PLXDC2: variants seen among roughly 807,000 people sequenced by gnomAD.
PLXDC2 encodes the protein plexin domain containing 2, also known as plexin domain-containing protein 2.
Under a neutral mutation model 68.9 loss-of-function variants are expected in PLXDC2, and 40 were observed. The ratio of observed to expected loss-of-function variants is 0.58; its 90% CI spans 0.45 to 0.76. The LOEUF (loss-of-function observed/expected upper bound fraction) is 0.76. Ranked by LOEUF, PLXDC2 falls within the 30% of genes least tolerant of loss-of-function variation. The pLI is 0.00. For missense variants in PLXDC2, 644 were observed against 661.9 expected (o/e 0.97, Z 0.30); for synonymous variants, 243 against 234.2 (o/e 1.04, Z -0.34).
intron 13 of PLXDC2, among the ~76,000 whole-genome samples, chr10:20,273,250 T>A (rs772784878): frequency 6.6e-6 from 1 of 152,198 alleles, no homozygotes; most frequent in Admixed American, 6.5e-5. Context: ...TTTATGGCAA[T>A]ATTTTATTTT....
intron 1 of PLXDC2, among the ~76,000 whole-genome samples, chr10:19,975,568 C>T (rs769876336): frequency 3.6e-4 from 55 of 152,074 alleles, no homozygotes; most frequent in Non-Finnish European, 7.1e-4. Flanking sequence ...CCCAACTTTC[C>T]GATATTAACA....
At chr10:19,969,262 C>A (rs745623406) in intron 1 of PLXDC2, among the ~76,000 whole-genome samples, 2 of 152,116 alleles carry the variant, frequency 1.3e-5, no homozygotes, top group African/African-American at 4.8e-5. Context: ...CATCCATAAC[C>A]GACCCTTAAG....
chr10:20,169,377 G>A (rs1022567593), intron 7 of PLXDC2, among the ~76,000 whole-genome samples: 3 of 152,046 alleles, frequency 2.0e-5, no homozygotes, highest in African/African-American at 4.8e-5. Flanking sequence ...GTTGTCTTTC[G>A]ATTACCAGAA....
chr10:20,065,462 A>G (rs139577792), intron 3 of PLXDC2, among the ~76,000 whole-genome samples: 1 of 152,192 alleles, frequency 6.6e-6, no homozygotes, highest in African/African-American at 2.4e-5. Flanking sequence ...GGCACCAGGA[A>G]CCAGTTTCAT....
At chr10:20,120,288 A>G (rs1833678568) in intron 4 of PLXDC2, among the ~76,000 whole-genome samples, 1 of 152,214 alleles carries the variant, frequency 6.6e-6, no homozygotes, top group South Asian at 2.1e-4. Flanking sequence ...TTCTGAGGAC[A>G]GGTCTGACTT....
At chr10:20,148,265 GTTT>G (rs5783725) in intron 6 of PLXDC2, among the ~76,000 whole-genome samples, 1 of 147,548 alleles carries the variant, frequency 6.8e-6, no homozygotes. Context: ...TCTTTAGTTA[GTTT>G]TTTTTTTTTC....
At chr10:19,848,632 A>T (rs1223950575) in intron 1 of PLXDC2, among the ~76,000 whole-genome samples, 1 of 152,242 alleles carries the variant, frequency 6.6e-6, no homozygotes, top group African/African-American at 2.4e-5. Flanking sequence ...AACTGTTGTC[A>T]TTGTTGTTAA....
At chr10:19,894,430 A>G (rs1444578988) in intron 1 of PLXDC2, among the ~76,000 whole-genome samples, 3 of 152,118 alleles carry the variant, frequency 2.0e-5, no homozygotes, top group Non-Finnish European at 4.4e-5. Flanking sequence ...GAATTTATAT[A>G]TTCCTGAGGG....
chr10:20,235,423 A>C (rs1835420138), intron 12 of PLXDC2, among the ~76,000 whole-genome samples: 1 of 152,240 alleles, frequency 6.6e-6, no homozygotes, highest in East Asian at 1.9e-4. Context: ...ATAGCAAGTA[A>C]TATGAGTGGC....
chr10:20,259,867 C>T (rs1321780753), intron 13 of PLXDC2, among the ~76,000 whole-genome samples: 1 of 152,084 alleles, frequency 6.6e-6, no homozygotes, highest in Non-Finnish European at 1.5e-5. Context: ...GACAGTGGCC[C>T]ACACTAGGAG....
At chr10:20,039,734 G>T (rs1321068659) in intron 2 of PLXDC2, among the ~76,000 whole-genome samples, 1 of 152,086 alleles carries the variant, frequency 6.6e-6, no homozygotes, top group Non-Finnish European at 1.5e-5. Flanking sequence ...TGCATATAAT[G>T]TGTTTATTAT....
At chr10:20,052,747 A>G (rs1294355389) in intron 3 of PLXDC2, among the ~76,000 whole-genome samples, 1 of 151,138 alleles carries the variant, frequency 6.6e-6, no homozygotes, top group African/African-American at 2.4e-5. Context: ...AAAAAGAAAG[A>G]AAGAAAAAAA....
At chr10:19,993,235 C>A (rs1312685465) in intron 1 of PLXDC2, among the ~76,000 whole-genome samples, 1 of 151,932 alleles carries the variant, frequency 6.6e-6, no homozygotes, top group Non-Finnish European at 1.5e-5. Flanking sequence ...TGTAGCAATA[C>A]CTTACAGTTG....
Position 20,287,653 on chromosome 10 carries a change from T to C in PLXDC2, c.*7834T>C, listed in dbSNP as rs1020889591. ...CACTTGCAAAGAAATGTTAAAATCA[T>C]TTTAGGGAAATCAGTGAAGTCTCTT... On this transcript the variant is annotated 3_prime_UTR_variant, in exon 14 of 14. Transcript: ENST00000377252. The C allele has an allele frequency of 6.6e-6, 1 of 152,134 alleles. No homozygotes were observed. 9.4% of individuals were successfully genotyped at this position (152,134 alleles called of 1,614,324 possible).
intron 1 of PLXDC2, among the ~76,000 whole-genome samples, chr10:19,893,399 C>CTG (rs1589523297): frequency 1.3e-5 from 2 of 152,274 alleles, no homozygotes; most frequent in East Asian, 3.9e-4. Context: ...ATAAAGTAGT[C>CTG]TGTGGACTGC....
intron 12 of PLXDC2, among the ~76,000 whole-genome samples, chr10:20,220,221 G>A (rs74119522): frequency 0.23 from 35,328 of 151,964 alleles, 4,150 homozygotes; most frequent in African/African-American, 0.27. Flanking sequence ...ATATATACTA[G>A]CTAGAAATAT....
intron 4 of PLXDC2, among the ~76,000 whole-genome samples, chr10:20,141,811 G>A (rs1453408295): frequency 6.6e-6 from 1 of 152,038 alleles, no homozygotes; most frequent in African/African-American, 2.4e-5. Context: ...CTTGAGCTGT[G>A]TGAAATTACA....
chr10:19,960,213 A>T (rs1382024710), intron 1 of PLXDC2, among the ~76,000 whole-genome samples: 1 of 128,796 alleles, frequency 7.8e-6, no homozygotes, highest in African/African-American at 2.8e-5. Flanking sequence ...AAAAAAAAAA[A>T]AATTAGCCAG....
intron 4 of PLXDC2, chr10:20,070,878 C>T (rs1836303765): frequency 1.3e-5 from 2 of 152,066 alleles, no homozygotes; most frequent in South Asian, 4.1e-4. Flanking sequence ...AAGATTTCTC[C>T]TAGCGGAACT....
Sources: gnomAD v4.1 joint callset for allele counts (sites outside exome capture counted in the v4.1 genomes callset) on GRCh38, gnomAD v4.1.1 for gene constraint, MANE v1.5 for transcripts, NCBI Gene and HGNC (gene_info 2026-07-23, HGNC 2026-07-21) for gene names.